The following PCLO variants were observed in gnomAD, a reference collection of about 807,000 sequenced individuals.
PCLO encodes piccolo presynaptic cytomatrix protein.
In PCLO, 82 loss-of-function variants were observed where a neutral mutation model predicts 427.5. The ratio of observed to expected loss-of-function variants is 0.19; its 90% confidence interval spans 0.16 to 0.23. PCLO has a LOEUF of 0.23. Ranked by LOEUF, PCLO falls within the 10% of genes least tolerant of loss-of-function variation. The pLI is 1.00. For synonymous variants in PCLO, 2,357 were observed against 2,155.4 expected, an observed-to-expected ratio of 1.09 and a Z score of -2.59; for missense variants, 6,239 against 6,115.9, an observed-to-expected ratio of 1.02 and a Z score of -0.67.
rs764939046 is a variant in PCLO, at chr7:83,032,410, C to CTCCTTCCCT, written c.3301-65932_3301-65924dup. 4.0e-5 allele frequency among the ~76,000 whole-genome samples: 6 copies of CTCCTTCCCT among 150,126 alleles called. No individual in the cohort carries two copies. The East Asian group carries it at 5.9e-4, about 15-fold the overall frequency. Reference sequence around the variant, plus strand: ...CTCACTCCCCTCACTCCCTCCCTCCCTCCTTCCCTTCCTTCCCTTCCTTCC... The same window carrying CTCCTTCCCT: ...CTCACTCCCCTCACTCCCTCCCTCCCTCCTTCCCTTCCTTCCCTTCCTTCCCTTCCTTCC... On this transcript the variant is annotated intron_variant, in intron 3 of 24. Coordinates refer to ENST00000333891, the MANE Select transcript of PCLO (RefSeq NM_033026.6).
chr7:83,057,199 TCA>T (rs1391906185), intron 3 of PCLO, among the ~76,000 whole-genome samples: 1 of 147,960 alleles, frequency 6.8e-6, no homozygotes, highest in Non-Finnish European at 1.5e-5. Context: ...TTCTTGTGCC[TCA>T]GTCTCCTGAG....
intron 10 of PCLO, among the ~76,000 whole-genome samples, chr7:82,863,818 C>G (rs1246006142): frequency 6.6e-6 from 1 of 152,020 alleles, no homozygotes. Context: ...TGTATACCAT[C>G]TGATTGGTGG....
rs191041109 is a variant in PCLO at position 82,776,348 on chromosome 7, T to C, written c.15008-14855A>G. On this transcript the variant is annotated intron_variant, in intron 22 of 24. Transcript: ENST00000333891. ...TGGCTCATGCTTGTAATCCCAGCAC[T>C]TTGGGAGGCCAACGCCAGCAGATCA... 3.6e-3 allele frequency among the ~76,000 whole-genome samples: 543 copies of C among 152,260 alleles called. 5 individuals are homozygous for C. Among genetic ancestry groups the C allele is most frequent in the African/African-American group, 0.012 (506 of 41,536 alleles).
At chr7:82,933,709 A>G (rs1794889246) in intron 6 of PCLO, among the ~76,000 whole-genome samples, 1 of 152,062 alleles carries the variant, frequency 6.6e-6, no homozygotes, top group Admixed American at 6.6e-5. Flanking sequence ...GTAATGACTT[A>G]TACTTGGAGA....
chr7:82,804,075 C>CCTTCTATTTTT (rs1325664794), intron 21 of PCLO, among the ~76,000 whole-genome samples: 2 of 152,054 alleles, frequency 1.3e-5, no homozygotes, highest in African/African-American at 2.4e-5. Context: ...GGAAGGATAA[C>CCTTCTATTTTT]AAATTATGTG....
chr7:83,154,080 CAGAA>C (rs1248742910), intron 2 of PCLO, among the ~76,000 whole-genome samples: 3 of 152,120 alleles, frequency 2.0e-5, no homozygotes, highest in Non-Finnish European at 4.4e-5. Context: ...TTTGATGAGT[CAGAA>C]AGTATTACCC....
At chr7:83,102,933 T>A (rs1339207558) in intron 3 of PCLO, among the ~76,000 whole-genome samples, 1 of 151,874 alleles carries the variant, frequency 6.6e-6, no homozygotes, top group Non-Finnish European at 1.5e-5. Context: ...AGAAACATAA[T>A]ATCTACTTTT....
intron 3 of PCLO, among the ~76,000 whole-genome samples, chr7:82,994,612 A>G (rs1583883027): frequency 2.1e-5 from 2 of 95,600 alleles, no homozygotes; most frequent in East Asian, 1.1e-3. Context: ...GGGGGTTCAT[A>G]GTAGGTATAT....
intron 10 of PCLO, among the ~76,000 whole-genome samples, chr7:82,862,676 A>G (rs1792990494): frequency 6.6e-6 from 1 of 152,012 alleles, no homozygotes; most frequent in South Asian, 2.1e-4. Flanking sequence ...CAGCCATAAA[A>G]AAGAACAAGA....
At chr7:82,782,209 C>T (rs2129468142) in intron 22 of PCLO, among the ~76,000 whole-genome samples, 1 of 152,272 alleles carries the variant, frequency 6.6e-6, no homozygotes, top group Middle Eastern at 3.4e-3. Context: ...AATTGGAGGA[C>T]ACCCAGCTGG....
At chr7:82,760,370 A>G (rs1035245568) in intron 24 of PCLO, among the ~76,000 whole-genome samples, 1 of 151,920 alleles carries the variant, frequency 6.6e-6, no homozygotes, top group Admixed American at 6.6e-5. Context: ...TGGGGGCCCA[A>G]AAAGGTTTAG....
intron 10 of PCLO, among the ~76,000 whole-genome samples, chr7:82,860,136 G>C (rs1792915588): frequency 6.6e-6 from 1 of 152,114 alleles, no homozygotes. Context: ...AGTAGAGGAA[G>C]AGATTGGGGT....
intron 10 of PCLO, among the ~76,000 whole-genome samples, chr7:82,860,768 G>A (rs954620971): frequency 1.3e-5 from 2 of 151,934 alleles, no homozygotes; most frequent in African/African-American, 4.8e-5. Flanking sequence ...TCAAGACATA[G>A]CATAATAAGA....
At chr7:83,108,382 G>A (rs1037501281) in intron 3 of PCLO, among the ~76,000 whole-genome samples, 4 of 151,928 alleles carry the variant, frequency 2.6e-5, no homozygotes, top group Non-Finnish European at 5.9e-5. Context: ...TTATCTATCT[G>A]TAATAATTAA....
chr7:83,124,944 C>T (rs536745518), intron 3 of PCLO, among the ~76,000 whole-genome samples: 2,086 of 152,218 alleles, frequency 0.014, 23 homozygotes, highest in Non-Finnish European at 0.021. Context: ...TTGGTGGAGA[C>T]GCGGTTTCGC....
chr7:83,036,777 C>T (rs1037775412), intron 3 of PCLO, among the ~76,000 whole-genome samples: 2 of 152,014 alleles, frequency 1.3e-5, no homozygotes, highest in South Asian at 2.1e-4. Context: ...TTACCCTTGA[C>T]GACCCTACTA....
At chr7:82,797,408 G>A (rs190943625) in intron 22 of PCLO, among the ~76,000 whole-genome samples, 1 of 152,210 alleles carries the variant, frequency 6.6e-6, no homozygotes, top group Non-Finnish European at 1.5e-5. Flanking sequence ...CTAGCTTAAA[G>A]GATGTAATTA....
chr7:83,107,986 TAAAAAAAAAAAAAAAA>T (rs58192300), intron 3 of PCLO, among the ~76,000 whole-genome samples: 1 of 95,400 alleles, frequency 1.0e-5, no homozygotes, highest in Admixed American at 1.2e-4. Context: ...AGACTCCGTC[TAAAAAAAAAAAAAAAA>T]AAAAAAAAAA....
In PCLO at chr7:82,953,267, G is replaced by A. The variant is rs775457422; in HGVS notation, c.7686C>T (p.Ser2562=). 5.0e-6 allele frequency: 8 copies of A among 1,613,912 alleles called. No individual in the cohort carries two copies. The highest frequency in any genetic ancestry group is 5.1e-6 in the Non-Finnish European group (6 of 1,179,854). ...TTGGTGAAGACTTGTTGGAGTGTGGGGAAAGTGGGGAGGTAGGGGAAGGCA... is the reference window on the plus strand; with the variant it reads ...TTGGTGAAGACTTGTTGGAGTGTGGAGAAAGTGGGGAGGTAGGGGAAGGCA... The part of the protein sequence containing the change: ...YKLPSPTSPL[S]PHSNKSSPRF... The change falls in exon 5 of 25, where the codon TCC becomes TCT. Residue 2562 remains serine (S), a synonymous_variant. Coordinates refer to ENST00000333891, the MANE Select transcript of PCLO (RefSeq NM_033026.6).
Sources: allele counts gnomAD v4.1 joint callset (sites outside exome capture counted in the v4.1 genomes callset), GRCh38; gene constraint gnomAD v4.1.1; transcripts MANE v1.5; gene names NCBI Gene and HGNC (gene_info 2026-07-23, HGNC 2026-07-21).